The following CHM variants were observed in gnomAD, a reference collection of about 807,000 sequenced individuals.
CHM encodes the protein CHM Rab escort protein.
In CHM, 10 loss-of-function variants were observed where a neutral mutation model predicts 49.0. The observed-to-expected ratio is 0.20, with a 90% CI of 0.13 to 0.35. CHM has a LOEUF of 0.35. Among genes scored for constraint, CHM ranks in the 10% least tolerant of loss-of-function variants. CHM has a pLI of 1.00. For synonymous variants in CHM, 184 were observed against 167.5 expected, an observed-to-expected ratio of 1.10 and a Z score of -0.76; for missense variants, 455 against 478.4, an observed-to-expected ratio of 0.95 and a Z score of 0.46.
intron 12 of CHM, among the ~76,000 whole-genome samples, chrX:85,891,459 T>G (rs767053452): frequency 1.8e-5 from 2 of 112,128 alleles, no homozygotes; most frequent in South Asian, 7.5e-4. Flanking sequence ...TCCCAGCCAC[T>G]CCAGCAGTGG....
chrX:85,967,960 G>C (rs1930668748), intron 4 of CHM, among the ~76,000 whole-genome samples: 1 of 110,941 alleles, frequency 9.0e-6, no homozygotes, highest in South Asian at 3.8e-4. Flanking sequence ...AAAAACTGAG[G>C]AACAGGTGTT....
chrX:86,027,368 CTTAAGT>C (rs1429012531), intron 2 of CHM, 117 bp downstream of exon 2: 1 of 564,661 alleles, frequency 1.8e-6, no homozygotes, highest in Non-Finnish European at 3.0e-6. Flanking sequence ...TTTCTTCTAA[CTTAAGT>C]TTATGTATGA....
intron 2 of CHM, among the ~76,000 whole-genome samples, chrX:85,992,738 G>T (rs5923420): frequency 5.0e-4 from 56 of 111,181 alleles, no homozygotes; most frequent in African/African-American, 1.7e-3. Flanking sequence ...CAAGCAAAAA[G>T]TGTATATATA....
At chrX:85,868,905 G>T (rs1332462042) in intron 14 of CHM, among the ~76,000 whole-genome samples, 1 of 111,688 alleles carries the variant, frequency 9.0e-6, no homozygotes, top group Non-Finnish European at 1.9e-5. Context: ...ATTTCATCTA[G>T]CCTCCATCTC....
chrX:85,893,225 A>G (rs1048528599), intron 12 of CHM, among the ~76,000 whole-genome samples: 1 of 111,788 alleles, frequency 8.9e-6, no homozygotes, highest in Non-Finnish European at 1.9e-5. Context: ...TATAGTACAT[A>G]GCTTAGGTCT....
chrX:85,995,060 G>C (rs895030128), intron 2 of CHM, among the ~76,000 whole-genome samples: 2 of 109,493 alleles, frequency 1.8e-5, no homozygotes, highest in Non-Finnish European at 1.9e-5. Flanking sequence ...AGCTCTATGG[G>C]AAAAAAATTC....
chrX:85,946,810 C>A (rs766562547), intron 8 of CHM, among the ~76,000 whole-genome samples: 1 of 112,074 alleles, frequency 8.9e-6, no homozygotes, highest in East Asian at 2.9e-4. Flanking sequence ...GAGGCACAGG[C>A]AGCTTGCACC....
chrX:85,999,955 C>T (rs772439961), intron 2 of CHM, among the ~76,000 whole-genome samples: 1 of 111,560 alleles, frequency 9.0e-6, no homozygotes, highest in African/African-American at 3.3e-5. Flanking sequence ...ATATTTATAG[C>T]GGGGCACTTC....
intron 8 of CHM, among the ~76,000 whole-genome samples, chrX:85,912,852 A>G (rs916083808): frequency 3.7e-5 from 4 of 108,217 alleles, no homozygotes; most frequent in Admixed American, 9.9e-5. Flanking sequence ...CGTCTCTACT[A>G]AAAATACAAA....
At chrX:85,948,465 T>TA (rs1352467272) in intron 8 of CHM, among the ~76,000 whole-genome samples, 1 of 111,755 alleles carries the variant, frequency 8.9e-6, no homozygotes, top group African/African-American at 3.2e-5. Context: ...GCAACATAAA[T>TA]ATGTTTCATT....
At chrX:86,007,395 C>A (rs761576944) in intron 2 of CHM, among the ~76,000 whole-genome samples, 8 of 111,468 alleles carry the variant, frequency 7.2e-5, no homozygotes, top group South Asian at 3.8e-4. Flanking sequence ...GCAACAAAAG[C>A]CAAAATTGAC....
At chrX:85,888,870 C>T (rs1426181441) in intron 12 of CHM, among the ~76,000 whole-genome samples, 1 of 112,179 alleles carries the variant, frequency 8.9e-6, no homozygotes, top group Non-Finnish European at 1.9e-5. Context: ...AATGCTATCA[C>T]AGACATGCAA....
chrX:86,042,022 G>A (rs2147811884), intron 1 of CHM, among the ~76,000 whole-genome samples: 1 of 109,512 alleles, frequency 9.1e-6, no homozygotes, highest in African/African-American at 3.3e-5. Flanking sequence ...GTTAAGGCTG[G>A]CACAAACAGA....
chrX:85,919,026 G>T (rs900775519), intron 8 of CHM, among the ~76,000 whole-genome samples: 5 of 111,344 alleles, frequency 4.5e-5, no homozygotes, highest in Non-Finnish European at 7.5e-5. Flanking sequence ...ACCCAACAAC[G>T]ACAGAATATA....
At chrX:86,021,176 A>G (rs77110665) in intron 2 of CHM, among the ~76,000 whole-genome samples, 26 of 13,724 alleles carry the variant, frequency 1.9e-3, no homozygotes, top group South Asian at 0.014. Flanking sequence ...ATATATGTGT[A>G]TATATATATA....
At chrX:85,902,840 CT>C (rs1926366408) in intron 9 of CHM, among the ~76,000 whole-genome samples, 1 of 111,575 alleles carries the variant, frequency 9.0e-6, no homozygotes, top group African/African-American at 3.2e-5. Context: ...ACTGACAAAT[CT>C]TTTTCTTACC....
At position 85,981,743 on chromosome X, in the gene CHM, T is replaced by G; in HGVS notation, c.183A>C (p.Glu61Asp). Reference sequence around the variant, plus strand: ...GGTCAGATACAAACTTTACCTGGTATTCCTTTAGCCAGGACAATAGTCCTG... The same window carrying G: ...GGTCAGATACAAACTTTACCTGGTAGTCCTTTAGCCAGGACAATAGTCCTG... ...SFSGLLSWLK[E>D]YQENSDIVSD... is the part of the protein sequence containing the mutation. The change falls in exon 3 of 15, where the codon GAA (glutamate) becomes GAC (aspartate). Residue 61 changes from glutamate to aspartate, a missense_variant. By Grantham distance (45) the Glu-to-Asp change is conservative (BLOSUM62 2). Coordinates refer to ENST00000357749, the MANE Select transcript of CHM (RefSeq NM_000390.4). 3.4e-6 allele frequency: 4 copies of G among 1,189,010 alleles called. No homozygotes were observed. The highest frequency in any genetic ancestry group is 4.6e-6 in the Non-Finnish European group (4 of 878,442).
At chrX:85,951,226 AAATAT>A (rs1929732282) in intron 8 of CHM, among the ~76,000 whole-genome samples, 1 of 111,755 alleles carries the variant, frequency 8.9e-6, no homozygotes, top group Non-Finnish European at 1.9e-5. Context: ...GAGATGATCT[AAATAT>A]AATCCAGAGA....
intron 2 of CHM, among the ~76,000 whole-genome samples, chrX:86,021,385 C>T (rs1442009868): frequency 2.8e-5 from 3 of 107,518 alleles, no homozygotes; most frequent in Non-Finnish European, 5.8e-5. Context: ...TTATTATGCC[C>T]TTTTTTCTTT....
Sources: allele counts gnomAD v4.1 joint callset (sites outside exome capture counted in the v4.1 genomes callset), GRCh38; gene constraint gnomAD v4.1.1; transcripts MANE v1.5; gene names NCBI Gene and HGNC (gene_info 2026-07-23, HGNC 2026-07-21).